Variants in PRDM10 observed in about 807,000 individuals in gnomAD.
The protein encoded by PRDM10 is PR domain zinc finger protein 10.
Under a neutral mutation model 133.1 loss-of-function variants are expected in PRDM10, and 65 were observed. The ratio of observed to expected loss-of-function variants is 0.49; its 90% CI spans 0.40 to 0.60. PRDM10 has a LOEUF of 0.60. Ranked by LOEUF, PRDM10 falls within the 20% of genes least tolerant of loss-of-function variation. The pLI, the probability that PRDM10 is intolerant of heterozygous loss-of-function variation, is 0.00. For missense variants in PRDM10, 1,137 were observed against 1,507.1 expected, an observed-to-expected ratio of 0.75 and a Z score of 4.07; for synonymous variants, 582 against 580.4, an observed-to-expected ratio of 1.00 and a Z score of -0.04.
intron 1 of PRDM10, among the ~76,000 whole-genome samples, chr11:129,979,594 T>A (rs11828464): frequency 2.6e-5 from 4 of 152,272 alleles, no homozygotes; most frequent in African/African-American, 9.6e-5. Flanking sequence ...AACTTGAAAC[T>A]ACTGAAAACC....
chr11:129,910,726 G>T, intron 18 of PRDM10, 70 bp from the exon 19 acceptor site: 1 of 1,298,948 alleles, frequency 7.7e-7, no homozygotes, highest in Non-Finnish European at 1.0e-6. Context: ...ACAAATAACT[G>T]AAGGAAGTAC....
chr11:129,926,240 C>A (rs1311517627), intron 11 of PRDM10, among the ~76,000 whole-genome samples: 1 of 152,154 alleles, frequency 6.6e-6, no homozygotes, highest in Non-Finnish European at 1.5e-5. Flanking sequence ...GCAAACCCAT[C>A]GCCACTACTG....
intron 1 of PRDM10, among the ~76,000 whole-genome samples, chr11:129,977,295 C>CACACAT (rs1180171091): frequency 4.1e-5 from 6 of 147,428 alleles, no homozygotes; most frequent in Non-Finnish European, 8.9e-5. Context: ...CACACACACA[C>CACACAT]ACACATTGAG....
chr11:129,925,697 A>G (rs907852032), intron 11 of PRDM10, among the ~76,000 whole-genome samples: 1 of 143,874 alleles, frequency 7.0e-6, no homozygotes, highest in African/African-American at 2.8e-5. Flanking sequence ...AACATTTAGC[A>G]AAAACAAAAC....
chr11:129,980,861 GTTTTTTTTTTT>G (rs60735364), intron 1 of PRDM10, among the ~76,000 whole-genome samples: 2 of 102,128 alleles, frequency 2.0e-5, no homozygotes, highest in African/African-American at 8.3e-5. Flanking sequence ...GACATTTCTG[GTTTTTTTTTTT>G]TTTTTTTTTT....
intron 4 of PRDM10, among the ~76,000 whole-genome samples, chr11:129,952,806 C>T (rs4578396): frequency 0.25 from 37,438 of 151,786 alleles, 7,257 homozygotes; most frequent in East Asian, 0.62. Context: ...AGATGTGATT[C>T]GCCGTGCCTG....
At chr11:129,979,422 C>A (rs12287411) in intron 1 of PRDM10, among the ~76,000 whole-genome samples, 1 of 152,026 alleles carries the variant, frequency 6.6e-6, no homozygotes, top group Non-Finnish European at 1.5e-5. Context: ...GGCAGAGCAG[C>A]GCAGTTCGGA....
Position 129,947,249 on chromosome 11 carries a change from T to C in PRDM10, c.416A>G (p.Asp139Gly). Residue 139 changes from aspartate (D) to glycine (G), a missense_variant, in exon 5 of 21, where the codon GAT (aspartate) becomes GGT (glycine). By Grantham distance (94) the Asp-to-Gly change is moderately conservative. This residue lies in a region of PRDM10 where 635 missense variants were observed against 835.2 expected (regional missense o/e 0.76). Coordinates refer to ENST00000360871, the MANE Select transcript of PRDM10 (RefSeq NM_199437.2). The surrounding 1 kb of genome is among the most constrained non-coding windows in gnomAD (Gnocchi z 4.6). ...ATCTTCCTCAGTGTCCTCGTCCTCA[T>C]CCTCATCCTCTTCCTCTTTGGCCTC... Reference protein sequence around the residue: ...RLEAKEEEDEDEDEDTEEDEE... With the variant: ...RLEAKEEEDEGEDEDTEEDEE... The C allele has an allele frequency of 6.2e-7, 1 of 1,614,138 alleles. No individual in the cohort carries two copies. The highest frequency in any genetic ancestry group is 8.5e-7 in the Non-Finnish European group (1 of 1,180,020).
intron 1 of PRDM10, among the ~76,000 whole-genome samples, chr11:130,000,015 G>A (rs1939257313): frequency 6.6e-6 from 1 of 150,472 alleles, no homozygotes; most frequent in South Asian, 2.1e-4. Context: ...GTAATTATGG[G>A]TTTTGTTTTT....
At chr11:129,946,541 G>A (rs1029009641) in intron 5 of PRDM10, among the ~76,000 whole-genome samples, 4 of 152,160 alleles carry the variant, frequency 2.6e-5, no homozygotes, top group African/African-American at 9.7e-5. Context: ...GTGGTGGAAT[G>A]TGAACCCCCA....
chr11:129,947,902 G>T lies in PRDM10; in HGVS notation c.295-532C>A, dbSNP rs1179299630. ...TGGGGGTCCCTCTTGCCTTTCCAGA[G>T]TAGCCATACCACACTGGAGGGGGTA... On this transcript the variant is annotated intron_variant, in intron 4 of 20. Coordinates refer to ENST00000360871, the MANE Select transcript of PRDM10 (RefSeq NM_199437.2). This position sits in a 1 kb window ranked among gnomAD's most constrained non-coding sequence, Gnocchi z 4.6. 5.3e-6 allele frequency: 2 copies of T among 374,304 alleles called. No homozygotes were observed. The highest frequency in any genetic ancestry group is 1.1e-5 in the Non-Finnish European group (2 of 190,290). 23.2% of individuals were successfully genotyped at this position (374,304 alleles called of 1,614,324 possible). A position where few individuals can be genotyped will look rare whatever the true frequency, so the allele number is the denominator to read the frequency against.
intron 1 of PRDM10, among the ~76,000 whole-genome samples, chr11:129,976,152 C>G (rs998085844): frequency 1.3e-5 from 2 of 152,206 alleles, no homozygotes; most frequent in Non-Finnish European, 2.9e-5. Context: ...CCAGCTGCTC[C>G]TCTTCTTCCC....
chr11:129,957,503 G>A (rs1029144562), intron 3 of PRDM10, among the ~76,000 whole-genome samples: 1 of 152,144 alleles, frequency 6.6e-6, no homozygotes, highest in Non-Finnish European at 1.5e-5. Context: ...ATTTTTAGTA[G>A]AGACAGGGTT....
Position 129,923,634 on chromosome 11 carries a change from C to G in PRDM10, c.1879-231G>C, listed in dbSNP as rs1368527175. Among the ~76,000 whole-genome samples, 2 of 107,740 alleles carry G rather than the reference C, an allele frequency of 1.9e-5. No individual in the cohort carries two copies. The highest frequency in any genetic ancestry group is 8.1e-5 in the African/African-American group (2 of 24,718). 70.7% of individuals were successfully genotyped at this position (107,740 alleles called of 152,430 possible). A position where few individuals can be genotyped will look rare whatever the true frequency, so the allele number is the denominator to read the frequency against. On this transcript the variant is annotated intron_variant, in intron 12 of 20. Transcript: ENST00000360871. The surrounding 1 kb of genome is among the most constrained non-coding windows in gnomAD (Gnocchi z 4.4). ...TTAGAAATCCGAACCTCCCCGATGA[C>G]TTGAAACGTGAGAGAGAGAGAGAGA...
intron 1 of PRDM10, among the ~76,000 whole-genome samples, chr11:129,966,169 G>A (rs1951903321): frequency 6.6e-6 from 1 of 152,104 alleles, no homozygotes; most frequent in South Asian, 2.1e-4. Context: ...GCCTGAACCT[G>A]GGAGGTGAAT....
intron 1 of PRDM10, among the ~76,000 whole-genome samples, chr11:129,992,357 T>C (rs1012117169): frequency 6.6e-6 from 1 of 152,264 alleles, no homozygotes; most frequent in Non-Finnish European, 1.5e-5. Flanking sequence ...AGATGTCCTT[T>C]AAATACCTGA....
At position 129,914,832 on chromosome 11, in the gene PRDM10, T is replaced by A; in HGVS notation, c.2713A>T (p.Thr905Ser). 6.2e-7 allele frequency: 1 copy of A among 1,614,124 alleles called. No homozygotes were observed. The highest frequency in any genetic ancestry group is 1.3e-5 in the African/African-American group (1 of 75,024). ...GGCGTTCGGTAGTCTGTCGTTAAGG[T>A]CTGGGACAGTTCTGTCATTGCTTGG... ...LTQAMTELSQ[T>S]LTTDYRTPQG... The change falls in exon 17 of 21, where the codon ACC (threonine) becomes TCC (serine). Residue 905 changes from threonine (T) to serine (S), a missense_variant. This residue lies in a region of PRDM10 where 113 missense variants were observed against 143.7 expected (regional missense o/e 0.79). Transcript: ENST00000360871.
intron 11 of PRDM10, chr11:129,929,327 T>C: frequency 7.5e-7 from 1 of 1,341,078 alleles, no homozygotes. Flanking sequence ...TCCACCAGGA[T>C]TTAGTAAGTA....
At chr11:129,922,818 T>C (rs1002299752) in intron 13 of PRDM10, among the ~76,000 whole-genome samples, 2 of 152,224 alleles carry the variant, frequency 1.3e-5, no homozygotes, top group African/African-American at 2.4e-5. Flanking sequence ...CTAAGCCTTC[T>C]CAGCATTCTT....
Sources: allele counts gnomAD v4.1 joint callset (sites outside exome capture counted in the v4.1 genomes callset), GRCh38; gene constraint gnomAD v4.1.1; regional missense constraint gnomAD v4.1.1; non-coding constraint Gnocchi (gnomAD v3.1); transcripts MANE v1.5; gene names NCBI Gene and HGNC (gene_info 2026-07-23, HGNC 2026-07-21).